Variants in SLC24A2 observed in about 807,000 individuals in gnomAD.
SLC24A2 encodes solute carrier family 24 member 2, also known as sodium/potassium/calcium exchanger 2.
SLC24A2 carries 36 observed loss-of-function variants against 62.0 expected under a neutral mutation model. The observed-to-expected ratio is 0.58, with a 90% CI of 0.44 to 0.77. The LOEUF (loss-of-function observed/expected upper bound fraction) is 0.77, where lower values mean the gene tolerates loss of function less well. Ranked by LOEUF, SLC24A2 falls within the 30% of genes least tolerant of loss-of-function variation. SLC24A2 has a pLI of 0.00. For missense variants in SLC24A2, 846 were observed against 817.9 expected, an observed-to-expected ratio of 1.03 and a Z score of -0.42; for synonymous variants, 358 against 294.0, an observed-to-expected ratio of 1.22 and a Z score of -2.23.
chr9:20,006,113 C>T, the SLC24A2 span, among the ~76,000 whole-genome samples: 11 of 151,568 alleles, frequency 7.3e-5, no homozygotes, highest in East Asian at 1.4e-3. Flanking sequence ...ACAATATATA[C>T]ACATAGTATG....
the SLC24A2 span, among the ~76,000 whole-genome samples, chr9:20,202,050 G>GGTGTGTGTGT: frequency 5.5e-3 from 782 of 141,764 alleles, 11 homozygotes; most frequent in Admixed American, 0.026. Context: ...CCCATTTCAT[G>GGTGTGTGTGT]GTGTGTGTGT....
intron 2 of SLC24A2, among the ~76,000 whole-genome samples, chr9:19,709,587 G>A (rs1173883639): frequency 6.6e-6 from 1 of 151,924 alleles, no homozygotes; most frequent in African/African-American, 2.4e-5. Flanking sequence ...AAAAAATGAA[G>A]AGTTCATGTC....
At chr9:19,533,044 TATTA>T (rs1477370608) in intron 8 of SLC24A2, among the ~76,000 whole-genome samples, 2 of 152,350 alleles carry the variant, frequency 1.3e-5, no homozygotes, top group East Asian at 3.9e-4. Context: ...GTAAAGCCCA[TATTA>T]ATTATGTGAG....
intron 9 of SLC24A2, among the ~76,000 whole-genome samples, chr9:19,522,607 A>G (rs538385225): frequency 6.6e-6 from 1 of 152,298 alleles, no homozygotes; most frequent in East Asian, 1.9e-4. Context: ...GAGCTGAACT[A>G]GCTTACCCTG....
At chr9:19,919,784 G>A in the SLC24A2 span, among the ~76,000 whole-genome samples, 63,673 of 151,818 alleles carry the variant, frequency 0.42, 14,408 homozygotes, top group Non-Finnish European at 0.52. Flanking sequence ...AAAGGGGGGC[G>A]GAAAGCCCCT....
At chr9:20,082,491 A>T in the SLC24A2 span, among the ~76,000 whole-genome samples, 753 of 152,344 alleles carry the variant, frequency 4.9e-3, 3 homozygotes, top group African/African-American at 0.017. Context: ...CACTATTCTC[A>T]TCGCATCCTT....
the SLC24A2 span, among the ~76,000 whole-genome samples, chr9:19,853,346 T>C: frequency 1.3e-5 from 2 of 152,132 alleles, no homozygotes; most frequent in African/African-American, 4.8e-5. Context: ...AATACTATGT[T>C]GAATAGGAGT....
chr9:19,580,323 C>A (rs1836164139), intron 5 of SLC24A2, among the ~76,000 whole-genome samples: 1 of 152,242 alleles, frequency 6.6e-6, no homozygotes, highest in Non-Finnish European at 1.5e-5. Flanking sequence ...TCTAGAAAGG[C>A]TGCAGTTGAG....
At chr9:19,559,753 A>C (rs951610724) in intron 7 of SLC24A2, among the ~76,000 whole-genome samples, 2 of 152,192 alleles carry the variant, frequency 1.3e-5, no homozygotes, top group African/African-American at 4.8e-5. Context: ...ATAAACTCCC[A>C]CCCAAAACAG....
intron 4 of SLC24A2, among the ~76,000 whole-genome samples, chr9:19,614,730 A>C (rs1386200548): frequency 6.6e-6 from 1 of 151,806 alleles, no homozygotes; most frequent in Non-Finnish European, 1.5e-5. Flanking sequence ...CTACCATATA[A>C]AACATGTTAG....
At chr9:19,678,857 TA>T (rs977949220) in intron 2 of SLC24A2, among the ~76,000 whole-genome samples, 1 of 152,156 alleles carries the variant, frequency 6.6e-6, no homozygotes, top group Non-Finnish European at 1.5e-5. Flanking sequence ...CTAGGTGGGA[TA>T]AAAAAATCAA....
At chr9:20,185,507 T>C in the SLC24A2 span, among the ~76,000 whole-genome samples, 2 of 151,306 alleles carry the variant, frequency 1.3e-5, no homozygotes, top group African/African-American at 2.4e-5. Context: ...CTACTAAAAA[T>C]ACAAAAAATT....
chr9:19,741,773 C>T (rs1315084699), intron 2 of SLC24A2, among the ~76,000 whole-genome samples: 2 of 152,152 alleles, frequency 1.3e-5, no homozygotes, highest in African/African-American at 2.4e-5. Flanking sequence ...TGATGACATA[C>T]AATTTGTTGA....
chr9:19,620,767 C>T (rs1185382445), intron 3 of SLC24A2, among the ~76,000 whole-genome samples: 1 of 152,158 alleles, frequency 6.6e-6, no homozygotes, highest in African/African-American at 2.4e-5. Flanking sequence ...TGAAAGGTAT[C>T]GTAATGTAAG....
At chr9:19,735,099 G>C (rs1006782131) in intron 2 of SLC24A2, among the ~76,000 whole-genome samples, 26 of 151,890 alleles carry the variant, frequency 1.7e-4, no homozygotes, top group Non-Finnish European at 3.2e-4. Context: ...GAAAATTTTT[G>C]CAATCTATCC....
the SLC24A2 span, among the ~76,000 whole-genome samples, chr9:20,094,529 A>G: frequency 6.6e-6 from 1 of 152,200 alleles, no homozygotes; most frequent in African/African-American, 2.4e-5. Context: ...TTTCTAATGA[A>G]GTTTGCAACA....
chr9:20,022,086 C>A, the SLC24A2 span, among the ~76,000 whole-genome samples: 1 of 152,294 alleles, frequency 6.6e-6, no homozygotes, highest in South Asian at 2.1e-4. Flanking sequence ...TCAATGTTAA[C>A]TACATTTAAG....
At chr9:20,148,092 G>A in the SLC24A2 span, among the ~76,000 whole-genome samples, 1 of 152,006 alleles carries the variant, frequency 6.6e-6, no homozygotes, top group Non-Finnish European at 1.5e-5. Flanking sequence ...TTTCCTGGGT[G>A]ACCTGGATTT....
At chr9:19,959,121 T>A in the SLC24A2 span, among the ~76,000 whole-genome samples, 1 of 151,944 alleles carries the variant, frequency 6.6e-6, no homozygotes, top group Admixed American at 6.6e-5. Flanking sequence ...GAACAAGATG[T>A]GAGTACCGTA....
Sources: allele counts gnomAD v4.1 joint callset (sites outside exome capture counted in the v4.1 genomes callset), GRCh38; gene constraint gnomAD v4.1.1; transcripts MANE v1.5; gene names NCBI Gene and HGNC (gene_info 2026-07-23, HGNC 2026-07-21).